FHOD3: variants seen among roughly 807,000 people sequenced by gnomAD.
FHOD3 encodes formin homology 2 domain containing 3.
Under a neutral mutation model 173.0 loss-of-function variants are expected in FHOD3, and 90 were observed. The ratio of observed to expected loss-of-function variants is 0.52; its 90% CI spans 0.44 to 0.62. The LOEUF (loss-of-function observed/expected upper bound fraction) is 0.62, where lower values mean the gene tolerates loss of function less well. Ranked by LOEUF, FHOD3 falls within the 20% of genes least tolerant of loss-of-function variation. FHOD3 has a pLI of 0.00. For synonymous variants in FHOD3, 828 were observed against 823.0 expected, an observed-to-expected ratio of 1.01 and a Z score of -0.10; for missense variants, 1,945 against 2,034.7, an observed-to-expected ratio of 0.96 and a Z score of 0.85.
At chr18:36,650,742 G>A (rs2035992264) in intron 11 of FHOD3, among the ~76,000 whole-genome samples, 1 of 152,204 alleles carries the variant, frequency 6.6e-6, no homozygotes, top group Non-Finnish European at 1.5e-5. Flanking sequence ...CCTCAGGTAT[G>A]CACATGCTTC....
At chr18:36,639,677 GC>G (rs2035160064) in intron 10 of FHOD3, among the ~76,000 whole-genome samples, 1 of 135,676 alleles carries the variant, frequency 7.4e-6, no homozygotes, top group African/African-American at 2.8e-5. Flanking sequence ...AAAAAAAAAA[GC>G]TGGGCGTGGT....
At chr18:36,776,037 G>T (rs55780447) in intron 28 of FHOD3, among the ~76,000 whole-genome samples, 1 of 152,174 alleles carries the variant, frequency 6.6e-6, no homozygotes, top group Non-Finnish European at 1.5e-5. Flanking sequence ...GGTGTCATCC[G>T]CAGCCAGCCG....
At chr18:36,705,317 G>T (rs2039813714) in intron 17 of FHOD3, among the ~76,000 whole-genome samples, 1 of 152,134 alleles carries the variant, frequency 6.6e-6, no homozygotes, top group Non-Finnish European at 1.5e-5. Flanking sequence ...GCCTGCATGT[G>T]CACTTCCCTC....
chr18:36,710,981 T>C (rs1472870472), intron 18 of FHOD3: 4 of 152,236 alleles, frequency 2.6e-5, no homozygotes. Context: ...AGGGCTTTCT[T>C]GGATCAGATT....
In FHOD3 at chr18:36,621,378, A is replaced by G. The variant is rs140439956; in HGVS notation, c.958-4133A>G. ...ACACCCCAGAACTTAGTGGTGTAAA[A>G]CAACAATCCCTGTTCCTGATGTTTT... On this transcript the variant is annotated intron_variant, in intron 9 of 28. Transcript: ENST00000590592. Among the ~76,000 whole-genome samples, 71 of 152,334 alleles carry G rather than the reference A, an allele frequency of 4.7e-4. No homozygotes were observed. The East Asian group carries it at 7.9e-3, about 17-fold the overall frequency.
intron 3 of FHOD3, among the ~76,000 whole-genome samples, chr18:36,462,508 T>G (rs1363883896): frequency 1.3e-5 from 2 of 152,102 alleles, no homozygotes; most frequent in Non-Finnish European, 2.9e-5. Context: ...ATTTTTTGTG[T>G]TTTTAGTAGA....
At chr18:36,661,614 C>T (rs753790090) in intron 14 of FHOD3, among the ~76,000 whole-genome samples, 5 of 152,118 alleles carry the variant, frequency 3.3e-5, no homozygotes, top group African/African-American at 4.8e-5. Context: ...CTAAAACACC[C>T]TTCAGGCACC....
At chr18:36,389,717 T>C (rs2048205020) in intron 3 of FHOD3, among the ~76,000 whole-genome samples, 1 of 152,214 alleles carries the variant, frequency 6.6e-6, no homozygotes, top group African/African-American at 2.4e-5. Flanking sequence ...CCCAACACCC[T>C]GCTCTTCCTA....
intron 3 of FHOD3, among the ~76,000 whole-genome samples, chr18:36,419,029 T>TA (rs1225471753): frequency 6.6e-6 from 1 of 151,448 alleles, no homozygotes; most frequent in Non-Finnish European, 1.5e-5. Context: ...AGGGGAAGAG[T>TA]AAAAAACGTG....
intron 7 of FHOD3, 89 bp from the exon 8 acceptor site, chr18:36,602,585 G>A: frequency 7.2e-6 from 7 of 978,890 alleles, no homozygotes; most frequent in South Asian, 3.9e-5. Context: ...GCCATCACTG[G>A]ATACGTCCTT....
At chr18:36,506,679 TGAAGATGATAAC>T in intron 4 of FHOD3, among the ~76,000 whole-genome samples, 1 of 152,338 alleles carries the variant, frequency 6.6e-6, no homozygotes, top group East Asian at 1.9e-4. Context: ...TAAGTGATAA[TGAAGATGATAAC>T]ACTGTAGAAA....
intron 19 of FHOD3, among the ~76,000 whole-genome samples, chr18:36,720,707 T>C (rs1317729715): frequency 6.6e-6 from 1 of 150,524 alleles, no homozygotes; most frequent in East Asian, 2.0e-4. Flanking sequence ...CTTCTCCTCC[T>C]CCTCCTCCTT....
At chr18:36,626,671 A>G (rs1047733334) in intron 10 of FHOD3, among the ~76,000 whole-genome samples, 10 of 152,334 alleles carry the variant, frequency 6.6e-5, no homozygotes, top group Admixed American at 6.5e-4. Flanking sequence ...AAGTGCTCAT[A>G]TCACTTGGCT....
At chr18:36,528,449 C>CT (rs1328489323) in intron 5 of FHOD3, among the ~76,000 whole-genome samples, 1 of 152,178 alleles carries the variant, frequency 6.6e-6, no homozygotes, top group African/African-American at 2.4e-5. Flanking sequence ...TAAAGCCTGT[C>CT]TTTCTATGGC....
chr18:36,659,128 T>C (rs529903102), intron 14 of FHOD3, among the ~76,000 whole-genome samples: 2 of 152,312 alleles, frequency 1.3e-5, no homozygotes, highest in Non-Finnish European at 2.9e-5. Context: ...TTCTGAAGTA[T>C]GTTTTGCCGA....
chr18:36,582,524 A>G (rs557676332), intron 6 of FHOD3, among the ~76,000 whole-genome samples: 1 of 152,300 alleles, frequency 6.6e-6, no homozygotes, highest in Admixed American at 6.5e-5. Flanking sequence ...TTTTTCGGAC[A>G]TGCATTACCT....
chr18:36,683,894 A>G (rs1174135803), intron 15 of FHOD3, among the ~76,000 whole-genome samples: 2 of 152,222 alleles, frequency 1.3e-5, no homozygotes, highest in Non-Finnish European at 2.9e-5. Flanking sequence ...CTAGATGCAG[A>G]TGCAGTTACC....
At position 36,334,509 on chromosome 18, in the gene FHOD3, A is replaced by G. The variant is rs200930534; in HGVS notation, c.166-21030A>G. On this transcript the variant is annotated intron_variant, in intron 1 of 28. Coordinates refer to ENST00000590592, the MANE Select transcript of FHOD3 (RefSeq NM_001281740.3). ...TCAATAACTATTTAAGGACACAAAC[A>G]GGGGGTTTTAAGCATTTGCTGCTTC... Among the ~76,000 whole-genome samples, 6 of 152,320 alleles carry G rather than the reference A, an allele frequency of 3.9e-5. No homozygotes were observed. In the East Asian group the frequency reaches 1.2e-3, roughly 29 times the overall value.
intron 3 of FHOD3, among the ~76,000 whole-genome samples, chr18:36,394,070 A>T (rs1452353345): frequency 6.6e-6 from 1 of 152,184 alleles, no homozygotes; most frequent in Non-Finnish European, 1.5e-5. Flanking sequence ...TAACAAAGCA[A>T]ATCCAACCTA....
Sources: allele counts gnomAD v4.1 joint callset (sites outside exome capture counted in the v4.1 genomes callset), GRCh38; gene constraint gnomAD v4.1.1; transcripts MANE v1.5; gene names NCBI Gene and HGNC (gene_info 2026-07-23, HGNC 2026-07-21).